Variants in MACROD2 observed in about 807,000 individuals in gnomAD.
MACROD2 encodes the protein ADP-ribose glycohydrolase MACROD2.
MACROD2 carries 36 observed loss-of-function variants against 70.4 expected under a neutral mutation model. That is an observed-to-expected ratio of 0.51 (90% CI 0.39 to 0.68). MACROD2 has a LOEUF of 0.68. MACROD2 is among the 30% of genes least tolerant of loss of function. MACROD2 has a pLI of 0.00. For missense variants in MACROD2, 496 were observed against 538.4 expected, an observed-to-expected ratio of 0.92 and a Z score of 0.78; for synonymous variants, 172 against 178.8, an observed-to-expected ratio of 0.96 and a Z score of 0.30.
intron 7 of MACROD2, among the ~76,000 whole-genome samples, chr20:15,446,046 C>T (rs550572342): frequency 6.6e-6 from 1 of 152,250 alleles, no homozygotes; most frequent in East Asian, 1.9e-4. Flanking sequence ...TGAATTGAGG[C>T]TTTTCCAGAA....
intron 4 of MACROD2, among the ~76,000 whole-genome samples, chr20:14,612,689 A>G (rs1983240160): frequency 1.3e-5 from 2 of 152,104 alleles, no homozygotes; most frequent in South Asian, 2.1e-4. Flanking sequence ...TTCATATGCT[A>G]TGAGGTCGGA....
chr20:14,771,509 A>G (rs968512176), intron 5 of MACROD2, among the ~76,000 whole-genome samples: 8 of 151,772 alleles, frequency 5.3e-5, no homozygotes, highest in African/African-American at 1.9e-4. Context: ...TTTAATTTGT[A>G]TTTTTTTCTC....
At chr20:14,179,266 CT>C (rs1478913599) in intron 3 of MACROD2, among the ~76,000 whole-genome samples, 1 of 152,126 alleles carries the variant, frequency 6.6e-6, no homozygotes. Context: ...CAACTGAAAT[CT>C]TTCTGATTGT....
chr20:15,269,417 G>T (rs1347275361), intron 6 of MACROD2, among the ~76,000 whole-genome samples: 1 of 152,130 alleles, frequency 6.6e-6, no homozygotes. Context: ...CCACCATCTC[G>T]CTATGGCTCC....
At chr20:14,874,675 T>G (rs111611148) in intron 5 of MACROD2, among the ~76,000 whole-genome samples, 194 of 42,274 alleles carry the variant, frequency 4.6e-3, no homozygotes, top group African/African-American at 0.022. Context: ...AAGGTTGTAT[T>G]TATTTATTTA....
intron 15 of MACROD2, among the ~76,000 whole-genome samples, chr20:16,034,894 A>C (rs565302064): frequency 8.6e-5 from 13 of 151,416 alleles, no homozygotes; most frequent in African/African-American, 2.7e-4. Context: ...CCCACATATC[A>C]GTGAGAACAT....
intron 7 of MACROD2, among the ~76,000 whole-genome samples, chr20:15,489,832 G>T (rs2047205566): frequency 1.3e-5 from 2 of 152,124 alleles, no homozygotes; most frequent in Non-Finnish European, 1.5e-5. Flanking sequence ...TGGAGGGGGT[G>T]TGGGCTGGTA....
chr20:15,811,852 C>T (rs1159207747), intron 8 of MACROD2, among the ~76,000 whole-genome samples: 3 of 152,094 alleles, frequency 2.0e-5, no homozygotes, highest in Non-Finnish European at 4.4e-5. Context: ...AGGCAATCAG[C>T]AAAGGGTTTA....
At chr20:15,271,223 C>T (rs2077343387) in intron 6 of MACROD2, among the ~76,000 whole-genome samples, 1 of 152,118 alleles carries the variant, frequency 6.6e-6, no homozygotes. Flanking sequence ...GGTGAGGGTA[C>T]AATCCCTTGT....
At chr20:14,275,099 A>C (rs968879456) in intron 3 of MACROD2, among the ~76,000 whole-genome samples, 2 of 152,188 alleles carry the variant, frequency 1.3e-5, no homozygotes, top group Non-Finnish European at 2.9e-5. Flanking sequence ...CAAGCTACCA[A>C]TGACTTTCTT....
intron 3 of MACROD2, among the ~76,000 whole-genome samples, chr20:14,226,732 G>A (rs1038089101): frequency 6.6e-6 from 1 of 152,224 alleles, no homozygotes; most frequent in African/African-American, 2.4e-5. Flanking sequence ...CCGGGCCTTA[G>A]CTGCCTTCCC....
chr20:14,695,265 T>C (rs2071110343), intron 5 of MACROD2, among the ~76,000 whole-genome samples: 1 of 152,162 alleles, frequency 6.6e-6, no homozygotes. Context: ...AGGTGTTTCT[T>C]GGCTTGTGGC....
chr20:15,260,712 C>T (rs2077241742), intron 6 of MACROD2, among the ~76,000 whole-genome samples: 1 of 151,826 alleles, frequency 6.6e-6, no homozygotes, highest in African/African-American at 2.4e-5. Context: ...GTGGCTGTAC[C>T]AGCTTACATT....
chr20:15,517,143 T>G (rs1425701419), intron 8 of MACROD2, among the ~76,000 whole-genome samples: 2 of 152,164 alleles, frequency 1.3e-5, no homozygotes, highest in Non-Finnish European at 2.9e-5. Flanking sequence ...AAGAGGTCCA[T>G]GTTACTAAAA....
At chr20:16,025,727 C>T (rs2067069904) in intron 15 of MACROD2, among the ~76,000 whole-genome samples, 1 of 152,188 alleles carries the variant, frequency 6.6e-6, no homozygotes, top group Non-Finnish European at 1.5e-5. Flanking sequence ...CCTTGTGCTG[C>T]CTCATTTTTA....
At chr20:15,095,822 G>A (rs1161572667) in intron 5 of MACROD2, among the ~76,000 whole-genome samples, 7 of 151,874 alleles carry the variant, frequency 4.6e-5, no homozygotes, top group Admixed American at 4.6e-4. Flanking sequence ...CAGCCAGAAA[G>A]GTTCTTCAGT....
intron 8 of MACROD2, among the ~76,000 whole-genome samples, chr20:15,694,376 T>C (rs1002093261): frequency 6.6e-6 from 1 of 152,216 alleles, no homozygotes; most frequent in Non-Finnish European, 1.5e-5. Context: ...CACCAACATC[T>C]ACTGGTTTTT....
intron 8 of MACROD2, among the ~76,000 whole-genome samples, chr20:15,520,725 G>A (rs1044962207): frequency 6.6e-6 from 1 of 152,116 alleles, no homozygotes; most frequent in African/African-American, 2.4e-5. Flanking sequence ...CCCCTGATAT[G>A]CTGCATACTG....
intron 4 of MACROD2, among the ~76,000 whole-genome samples, chr20:14,649,278 T>G (rs535534032): frequency 3.3e-5 from 5 of 152,128 alleles, no homozygotes; most frequent in Non-Finnish European, 7.4e-5. Flanking sequence ...GTTTTAGAGA[T>G]TAATGAGGGT....
Sources: gnomAD v4.1 joint callset for allele counts (sites outside exome capture counted in the v4.1 genomes callset) on GRCh38, gnomAD v4.1.1 for gene constraint, MANE v1.5 for transcripts, NCBI Gene and HGNC (gene_info 2026-07-23, HGNC 2026-07-21) for gene names.